Variants in NPAS1 observed in about 807,000 individuals in gnomAD.
The protein encoded by NPAS1 is neuronal PAS domain protein 1.
NPAS1 carries 29 observed loss-of-function variants against 49.2 expected under a neutral mutation model. The ratio of observed to expected loss-of-function variants is 0.59; its 90% CI spans 0.44 to 0.80. The LOEUF (loss-of-function observed/expected upper bound fraction) is 0.80. NPAS1 is among the 30% of genes least tolerant of loss of function. The probability of loss-of-function intolerance (pLI) is 0.00; values close to 1 mark genes in which losing one functional copy is unlikely to be tolerated. For missense variants in NPAS1, 825 were observed against 835.5 expected (o/e 0.99, Z 0.15); for synonymous variants, 408 against 380.4 (o/e 1.07, Z -0.84).
At position 47,019,874 on chromosome 19, in the gene NPAS1, C is replaced by CGCGTCCCGCT; in HGVS notation, c.-162_-153dup. ...GCCGAGAGCTGGGCGCCACAGCCCG[C>CGCGTCCCGCT]GCGTCCCGCTGCGCCCCGCGCGCCC... On this transcript the variant is annotated 5_prime_UTR_variant, in exon 1 of 12. Transcript: ENST00000602212. 2.9e-6 allele frequency: 1 copy of CGCGTCCCGCT among 339,718 alleles called. No homozygotes were observed. 21.0% of individuals were successfully genotyped at this position (339,718 alleles called of 1,614,324 possible). A position where few individuals can be genotyped will look rare whatever the true frequency, so the allele number is the denominator to read the frequency against.
chr19:47,031,132 T>G (rs1026035679), intron 3 of NPAS1, among the ~76,000 whole-genome samples: 7 of 151,936 alleles, frequency 4.6e-5, no homozygotes, highest in African/African-American at 1.7e-4. Flanking sequence ...ACCTATTTCA[T>G]TCTCCATAGC....
At position 47,042,850 on chromosome 19, in the gene NPAS1, C is replaced by T. The variant is rs750707929; in HGVS notation, c.1258C>T (p.Leu420Phe). Reference sequence around the variant, plus strand: ...CCAAACTCCTTTGGATGCCTTCCAGCTTCCAGCCAGCGTGGCCTGTGAGGA... The same window carrying T: ...CCAAACTCCTTTGGATGCCTTCCAGTTTCCAGCCAGCGTGGCCTGTGAGGA... ...GGQTPLDAFQ[L>F]PASVACEEAS... Residue 420 changes from leucine (L) to phenylalanine (F), a missense_variant, in exon 11 of 12, where the codon CTT (leucine) becomes TTT (phenylalanine). Leu to Phe is a conservative substitution (Grantham distance 22, BLOSUM62 0). Transcript: ENST00000602212. The T allele has an allele frequency of 1.2e-6, 2 of 1,606,364 alleles. No homozygotes were observed. Among genetic ancestry groups the T allele is most frequent in the Non-Finnish European group, 1.7e-6 (2 of 1,176,662 alleles).
Position 47,045,549 on chromosome 19 carries a change from G to T in NPAS1, c.1671G>T (p.Gln557His). The change falls in exon 12 of 12, where the codon CAG becomes CAT. Residue 557 changes from glutamine to histidine, a missense_variant. Physicochemically the swap from Gln to His is conservative, Grantham distance 24 (BLOSUM62 0). Transcript: ENST00000602212. ...AELGLVYPHLQRLGPGPALPE... is the reference protein window; with the variant it reads ...AELGLVYPHLHRLGPGPALPE... ...TGGGCCTGGTGTACCCGCACCTGCA[G>T]AGGCTGGGTCCGGGCCCCGCGCTCC... is the stretch of plus-strand genomic sequence containing the variant. The T allele has an allele frequency of 6.6e-7, 1 of 1,524,896 alleles. No individual in the cohort carries two copies. The highest frequency in any genetic ancestry group is 8.7e-7 in the Non-Finnish European group (1 of 1,143,090). The allele number at this position is 1,524,896 out of a possible 1,614,324, so 94.5% of individuals were successfully genotyped here.
chr19:47,021,023 G>T lies in NPAS1; in HGVS notation c.-25G>T. On this transcript the variant is annotated 5_prime_UTR_variant, in exon 2 of 12. Coordinates refer to ENST00000602212, the MANE Select transcript of NPAS1 (RefSeq NM_002517.4). The surrounding 1 kb of genome is among the most constrained non-coding windows in gnomAD (Gnocchi z 5.7). ...CGCTGCAGGAGACTCGGGGCTCGGA[G>T]CCCGCCTGAGCGAGCCCCCCGGAGA... is the stretch of plus-strand genomic sequence containing the variant. The T allele has an allele frequency of 6.3e-7, 1 of 1,583,866 alleles. No individual in the cohort carries two copies.
At position 47,036,000 on chromosome 19, in the gene NPAS1, C is replaced by A; in HGVS notation, c.559C>A (p.His187Asn). Residue 187 changes from histidine (H) to asparagine (N), a missense_variant, in exon 6 of 12, where the codon CAC (histidine) becomes AAC (asparagine). His to Asn is a moderately conservative substitution (Grantham distance 68). Transcript: ENST00000602212. ...GGGCAGCAGCGTCTTCGACTACATT[C>A]ACCCTGGGGACCACTCAGAGGTGCT... ...MTGSSVFDYI[H>N]PGDHSEVLEQ... 6.4e-7 allele frequency: 1 copy of A among 1,562,228 alleles called. No homozygotes were observed. The highest frequency in any genetic ancestry group is 1.2e-5 in the South Asian group (1 of 83,320).
intron 6 of NPAS1, among the ~76,000 whole-genome samples, chr19:47,038,539 G>A (rs1293459591): frequency 6.8e-6 from 1 of 146,380 alleles, no homozygotes; most frequent in African/African-American, 2.5e-5. Context: ...AAAAAGACAT[G>A]GATGGGACCA....
At chr19:47,037,839 G>A (rs750012658) in intron 6 of NPAS1, among the ~76,000 whole-genome samples, 11 of 152,180 alleles carry the variant, frequency 7.2e-5, no homozygotes, top group Non-Finnish European at 1.2e-4. Flanking sequence ...TTTTAAGACC[G>A]TTTTGTAGGG....
chr19:47,031,440 T>C (rs1256006544), intron 3 of NPAS1, among the ~76,000 whole-genome samples: 2 of 151,944 alleles, frequency 1.3e-5, no homozygotes, highest in Non-Finnish European at 2.9e-5. Context: ...TCAAGTGATC[T>C]ACCCTCCTCG....
At chr19:47,032,870 C>A (rs765635086) in intron 5 of NPAS1, 138 bp downstream of exon 5, 8 of 651,120 alleles carry the variant, frequency 1.2e-5, no homozygotes, top group Non-Finnish European at 1.9e-5. Context: ...AAAGTGTGTT[C>A]CTTGGCACCC....
chr19:47,021,697 A>C lies in NPAS1; in HGVS notation c.208A>C (p.Lys70Gln). 1 of 1,560,446 alleles carries C rather than the reference A, an allele frequency of 6.4e-7. No homozygotes were observed. Among genetic ancestry groups the C allele is most frequent in the Non-Finnish European group, 8.7e-7 (1 of 1,154,200 alleles). Residue 70 changes from lysine to glutamine, a missense_variant, in exon 3 of 12, where the codon AAG (lysine) becomes CAG (glutamine). Transcript: ENST00000602212. The surrounding 1 kb of genome is among the most constrained non-coding windows in gnomAD (Gnocchi z 5.7). ...KENLEFFELA[K>Q]LLPLPGAISS... ...GAACCTGGAGTTCTTCGAGCTGGCC[A>C]AGCTTCTCCCGCTGCCCGGCGCCAT...
At position 47,040,520 on chromosome 19, in the gene NPAS1, G is replaced by A. The variant is rs374546504; in HGVS notation, c.1039G>A (p.Ala347Thr). The A allele has an allele frequency of 4.0e-5, 64 of 1,597,108 alleles. No homozygotes were observed. The highest frequency in any genetic ancestry group is 1.7e-4 in the Middle Eastern group (1 of 6,022). The change falls in exon 9 of 12, where the codon GCC (alanine) becomes ACC (threonine). Residue 347 changes from alanine (A) to threonine (T), a missense_variant. Ala to Thr is a moderately conservative substitution (Grantham distance 58, BLOSUM62 0). Transcript: ENST00000602212. Reference sequence around the variant, plus strand: ...CTACCAGTTTGTCCACGGACAGGACGCCACGAGGATCCGCCAGAGCCACGT... The same window carrying A: ...CTACCAGTTTGTCCACGGACAGGACACCACGAGGATCCGCCAGAGCCACGT... Reference protein sequence around the residue: ...SCYQFVHGQDATRIRQSHVDL... With the variant: ...SCYQFVHGQDTTRIRQSHVDL...
At chr19:47,038,944 T>C (rs1246619592) in intron 6 of NPAS1, 92 bp from the exon 7 acceptor site, 2 of 1,073,056 alleles carry the variant, frequency 1.9e-6, no homozygotes, top group African/African-American at 3.1e-5. Flanking sequence ...GCGGACATCT[T>C]GTGTCTATGT....
rs1412083621 is a variant in NPAS1 at position 47,021,923 on chromosome 19, G to T, written c.358+76G>T. Reference sequence around the variant, plus strand: ...ACTGCAGCCCAGATCCGGGCTGCGGGCCTGCCCTCGCCCAGATGCTTGTCT... The same window carrying T: ...ACTGCAGCCCAGATCCGGGCTGCGGTCCTGCCCTCGCCCAGATGCTTGTCT... On this transcript the variant is annotated intron_variant, in intron 3 of 11. Coordinates refer to ENST00000602212, the MANE Select transcript of NPAS1 (RefSeq NM_002517.4). This position sits in a 1 kb window ranked among gnomAD's most constrained non-coding sequence, Gnocchi z 5.7. 15 of 938,716 alleles carry T rather than the reference G, an allele frequency of 1.6e-5. No individual in the cohort carries two copies. Among genetic ancestry groups the T allele is most frequent in the African/African-American group, 3.5e-5 (2 of 56,712 alleles). The allele number at this position is 938,716 out of a possible 1,614,324, so 58.1% of individuals were successfully genotyped here.
At chr19:47,022,940 TGGTGTTTA>T (rs2053238884) in intron 3 of NPAS1, among the ~76,000 whole-genome samples, 1 of 152,142 alleles carries the variant, frequency 6.6e-6, no homozygotes, top group Admixed American at 6.5e-5. Flanking sequence ...GCAGTGTGAG[TGGTGTTTA>T]TCTGAAGTCT....
intron 6 of NPAS1, among the ~76,000 whole-genome samples, chr19:47,037,012 C>T (rs888257272): frequency 3.5e-5 from 5 of 144,658 alleles, no homozygotes; most frequent in African/African-American, 1.0e-4. Context: ...GAGGAGATCA[C>T]GTTGCTGCAC....
rs538834274 is a variant in NPAS1, at chr19:47,021,412, C to A, written c.123-200C>A. The stretch of plus-strand genomic sequence containing the variant: ...CTCTCGCCCTTCCTCCTCCTTCCCA[C>A]CAGAATTGACACTCGAGGTTCTGTC... On this transcript the variant is annotated intron_variant, in intron 2 of 11. Coordinates refer to ENST00000602212, the MANE Select transcript of NPAS1 (RefSeq NM_002517.4). This position sits in a 1 kb window ranked among gnomAD's most constrained non-coding sequence, Gnocchi z 5.7. Among the ~76,000 whole-genome samples the A allele has an allele frequency of 6.6e-6, 1 of 152,348 alleles. No individual in the cohort carries two copies. Among genetic ancestry groups the A allele is most frequent in the South Asian group, 2.1e-4 (1 of 4,832 alleles).
At chr19:47,037,300 G>A (rs1007043188) in intron 6 of NPAS1, among the ~76,000 whole-genome samples, 5 of 122,648 alleles carry the variant, frequency 4.1e-5, no homozygotes, top group South Asian at 2.5e-4. Flanking sequence ...GCACTGAGCC[G>A]AGATCAGGCC....
intron 10 of NPAS1, 137 bp from the exon 11 acceptor site, chr19:47,042,673 C>T (rs1226887195): frequency 4.9e-6 from 3 of 609,340 alleles, no homozygotes; most frequent in Admixed American, 7.5e-5. Context: ...GGTGTTGAGC[C>T]TTGTAAGTGC....
At chr19:47,039,000 C>A in intron 6 of NPAS1, 36 bp from the exon 7 acceptor site, 2 of 1,588,544 alleles carry the variant, frequency 1.3e-6, no homozygotes, top group South Asian at 2.2e-5. Flanking sequence ...GTTTCCTCTT[C>A]AGGACCCCAT....
Sources: allele counts gnomAD v4.1 joint callset (sites outside exome capture counted in the v4.1 genomes callset), GRCh38; gene constraint gnomAD v4.1.1; non-coding constraint Gnocchi (gnomAD v3.1); transcripts MANE v1.5; gene names NCBI Gene and HGNC (gene_info 2026-07-23, HGNC 2026-07-21).